Variants in MAGI2 observed in about 807,000 individuals in gnomAD.
The protein encoded by MAGI2 is membrane associated guanylate kinase, WW and PDZ domain containing 2, also known as membrane-associated guanylate kinase, WW and PDZ domain-containing protein 2.
MAGI2 carries 35 observed loss-of-function variants against 133.3 expected under a neutral mutation model. The observed-to-expected ratio is 0.26, with a 90% CI of 0.20 to 0.35. The LOEUF is 0.35. Among genes scored for constraint, MAGI2 ranks in the 10% least tolerant of loss-of-function variants. The pLI, the probability that MAGI2 is intolerant of heterozygous loss-of-function variation, is 1.00. For synonymous variants in MAGI2, 729 were observed against 710.6 expected (o/e 1.03, Z -0.41); for missense variants, 1,636 against 1,863.4 (o/e 0.88, Z 2.25).
At chr7:78,602,340 A>G (rs1805293904) in intron 3 of MAGI2, among the ~76,000 whole-genome samples, 1 of 152,072 alleles carries the variant, frequency 6.6e-6, no homozygotes, top group Non-Finnish European at 1.5e-5. Context: ...TTGTATTTTT[A>G]GTAGAAACGG....
chr7:78,325,193 A>G (rs1788459644), intron 9 of MAGI2, among the ~76,000 whole-genome samples: 1 of 152,182 alleles, frequency 6.6e-6, no homozygotes, highest in South Asian at 2.1e-4. Context: ...TGTACCCCTA[A>G]GAGTATAGGC....
Position 79,328,782 on chromosome 7 carries a change from T to G in MAGI2, c.301+124238A>C, listed in dbSNP as rs190333254. On this transcript the variant is annotated intron_variant, in intron 1 of 21. Coordinates refer to ENST00000354212, the MANE Select transcript of MAGI2 (RefSeq NM_012301.4). ...GAATAGAAATAGCTTAGTTTTCTTC[T>G]CTCTCTCTCTATTTTTCTTGTGCTT... 4.3e-3 allele frequency among the ~76,000 whole-genome samples: 654 copies of G among 152,174 alleles called. 1 individual carries two copies. The highest frequency in any genetic ancestry group is 5.3e-3 in the Non-Finnish European group (358 of 67,972).
At chr7:78,292,411 C>G (rs1235325800) in intron 9 of MAGI2, among the ~76,000 whole-genome samples, 1 of 152,096 alleles carries the variant, frequency 6.6e-6, no homozygotes, top group Non-Finnish European at 1.5e-5. Flanking sequence ...GAACTACAAA[C>G]CACTGCTCAA....
At chr7:78,054,856 T>C (rs903844270) in intron 21 of MAGI2, among the ~76,000 whole-genome samples, 2 of 152,146 alleles carry the variant, frequency 1.3e-5, no homozygotes, top group Admixed American at 1.3e-4. Flanking sequence ...TCCCACTACG[T>C]TGGCCAGGCT....
At chr7:78,671,187 C>A (rs745456258) in intron 2 of MAGI2, among the ~76,000 whole-genome samples, 1 of 152,026 alleles carries the variant, frequency 6.6e-6, no homozygotes, top group Non-Finnish European at 1.5e-5. Flanking sequence ...CCTCAAATTT[C>A]CATATTCAGA....
intron 1 of MAGI2, among the ~76,000 whole-genome samples, chr7:79,010,297 A>G (rs995535968): frequency 6.6e-6 from 1 of 152,088 alleles, no homozygotes; most frequent in Non-Finnish European, 1.5e-5. Context: ...ATGTATACAC[A>G]TACACATACA....
chr7:79,114,431 T>C (rs1364066031), intron 1 of MAGI2, among the ~76,000 whole-genome samples: 1 of 152,206 alleles, frequency 6.6e-6, no homozygotes, highest in African/African-American at 2.4e-5. Flanking sequence ...CAGTGCCTCC[T>C]GGTTTTAACA....
chr7:78,437,646 A>G (rs568488523), intron 6 of MAGI2, among the ~76,000 whole-genome samples: 1 of 152,282 alleles, frequency 6.6e-6, no homozygotes, highest in Admixed American at 6.5e-5. Context: ...CAATTGCATT[A>G]GGGTAAACTG....
chr7:79,021,894 G>C (rs929931382), intron 1 of MAGI2, among the ~76,000 whole-genome samples: 1 of 152,140 alleles, frequency 6.6e-6, no homozygotes, highest in Non-Finnish European at 1.5e-5. Context: ...ATATGTCAAG[G>C]GTGGGACCAG....
At position 78,537,170 on chromosome 7, in the gene MAGI2, T is replaced by C. The variant is rs929062817; in HGVS notation, c.539-15525A>G. Among the ~76,000 whole-genome samples the C allele has an allele frequency of 1.4e-4, 21 of 146,302 alleles. No individual in the cohort carries two copies. The South Asian group carries it at 1.6e-3, about 11-fold the overall frequency. ...TTTTTATGGCTGAATAGTATTCCAC[T>C]ACACACACACACACACACACACACA... On this transcript the variant is annotated intron_variant, in intron 3 of 21. Transcript: ENST00000354212.
chr7:78,032,335 C>T (rs917406714), intron 21 of MAGI2, among the ~76,000 whole-genome samples: 1 of 152,162 alleles, frequency 6.6e-6, no homozygotes, highest in Non-Finnish European at 1.5e-5. Context: ...CTGCCTCAGC[C>T]TCCCGAGTAG....
At chr7:78,337,100 C>T (rs540572719) in intron 9 of MAGI2, among the ~76,000 whole-genome samples, 1 of 152,278 alleles carries the variant, frequency 6.6e-6, no homozygotes, top group South Asian at 2.1e-4. Flanking sequence ...AAATAACTAT[C>T]TATCAGACTC....
chr7:78,370,547 G>A (rs1397635495), intron 6 of MAGI2, among the ~76,000 whole-genome samples: 1 of 151,646 alleles, frequency 6.6e-6, no homozygotes, highest in Admixed American at 6.6e-5. Context: ...TGAAATTTTG[G>A]ATCAAAGGGC....
chr7:78,257,611 T>C (rs774655624), intron 9 of MAGI2, among the ~76,000 whole-genome samples: 1 of 152,168 alleles, frequency 6.6e-6, no homozygotes, highest in Non-Finnish European at 1.5e-5. Flanking sequence ...ATGCAGAAAA[T>C]CATGGCTGTT....
At chr7:78,416,409 G>GA (rs35278585) in intron 6 of MAGI2, among the ~76,000 whole-genome samples, 87,544 of 151,922 alleles carry the variant, frequency 0.58, 25,523 homozygotes, top group East Asian at 0.71. Context: ...AATAAATATT[G>GA]AAACTTAATT....
intron 6 of MAGI2, among the ~76,000 whole-genome samples, chr7:78,373,019 C>T (rs1025952730): frequency 2.6e-5 from 4 of 152,062 alleles, no homozygotes; most frequent in African/African-American, 7.2e-5. Context: ...GTCGGGGTTC[C>T]GTTGTGTTGC....
intron 3 of MAGI2, among the ~76,000 whole-genome samples, chr7:78,524,052 G>GGAA (rs1554455547): frequency 6.7e-6 from 1 of 149,096 alleles, no homozygotes; most frequent in African/African-American, 2.5e-5. Context: ...CATTTCTAGG[G>GGAA]AAAAAAAAAA....
At chr7:78,222,970 TAAAC>T (rs1335098659) in intron 10 of MAGI2, among the ~76,000 whole-genome samples, 1 of 151,910 alleles carries the variant, frequency 6.6e-6, no homozygotes, top group Admixed American at 6.6e-5. Flanking sequence ...AATCAGAAAA[TAAAC>T]AGAAGAAAAA....
rs558923509 is a variant in MAGI2 at position 79,081,684 on chromosome 7, G to A, written c.302-74478C>T. 2.0e-5 allele frequency among the ~76,000 whole-genome samples: 3 copies of A among 152,202 alleles called. No homozygotes were observed. In the South Asian group the frequency reaches 6.2e-4, roughly 32 times the overall value. On this transcript the variant is annotated intron_variant, in intron 1 of 21. Transcript: ENST00000354212. ...GCAATTAACAAATATTCTCAAAATA[G>A]TCGTTTAGGGTGCTGTTTCTTCCTC...
Sources: gnomAD v4.1 joint callset for allele counts (sites outside exome capture counted in the v4.1 genomes callset) on GRCh38, gnomAD v4.1.1 for gene constraint, MANE v1.5 for transcripts, NCBI Gene and HGNC (gene_info 2026-07-23, HGNC 2026-07-21) for gene names.